Variants in ZIC3 observed in about 807,000 individuals in gnomAD.
ZIC3 encodes the protein zinc finger protein ZIC 3.
Under a neutral mutation model 18.3 loss-of-function variants are expected in ZIC3, and 6 were observed. The ratio of observed to expected loss-of-function variants is 0.33; its 90% CI spans 0.18 to 0.65. ZIC3 has a LOEUF of 0.65. ZIC3 is among the 30% of genes least tolerant of loss of function. ZIC3 has a pLI of 0.75. For missense variants in ZIC3, 260 were observed against 410.0 expected (o/e 0.63, Z 3.16); for synonymous variants, 175 against 177.0 (o/e 0.99, Z 0.09).
Position 137,567,244 on chromosome X carries a change from C to A in ZIC3, c.553C>A (p.His185Asn). The A allele has an allele frequency of 8.3e-6, 10 of 1,211,089 alleles. No individual in the cohort carries two copies. The highest frequency in any genetic ancestry group is 3.0e-5 in the East Asian group (1 of 33,802). The change falls in exon 1 of 3, where the codon CAC (histidine) becomes AAC (asparagine). Residue 185 changes from histidine to asparagine, a missense_variant. His to Asn is a moderately conservative substitution (Grantham distance 68, BLOSUM62 1). Around this residue, in one of 4 missense-constraint regions of ZIC3, gnomAD observed 183 missense variants for 223.8 expected, o/e 0.82. Transcript: ENST00000287538. ...AGGGCACGTGGACAACAACCAGGTC[C>A]ACCTGGGGCTGCGTGGGGAGCTGTT... The part of the protein sequence containing the change: ...PTGHVDNNQV[H>N]LGLRGELFGR...
downstream of ZIC3, among the ~76,000 whole-genome samples, chrX:137,573,151 A>C (rs1006560882): frequency 9.7e-5 from 6 of 61,568 alleles, no homozygotes; most frequent in Admixed American, 1.9e-4. Context: ...AAAAAAAAAA[A>C]AAAAAAAAAC....
downstream of ZIC3, chrX:137,577,026 A>G (rs985628270): frequency 9.2e-6 from 4 of 433,782 alleles, no homozygotes; most frequent in Admixed American, 1.6e-4. Flanking sequence ...AGAGTTTAAA[A>G]CAACATATTC....
chrX:137,567,305 C>G lies in ZIC3; in HGVS notation c.614C>G (p.Pro205Arg), dbSNP rs755920134. 3.3e-6 allele frequency: 4 copies of G among 1,210,030 alleles called. No individual in the cohort carries two copies. The highest frequency in any genetic ancestry group is 1.8e-5 in the South Asian group (1 of 56,884). The change falls in exon 1 of 3, where the codon CCG becomes CGG. Residue 205 changes from proline to arginine, a missense_variant. Physicochemically the swap from Pro to Arg is moderately radical, Grantham distance 103 (BLOSUM62 -2). Coordinates refer to ENST00000287538, the MANE Select transcript of ZIC3 (RefSeq NM_003413.4). ...GACCCATACCGCCCAGTGGCCAGCC[C>G]GCGCACGGACCCCTACGCGGCCGGC... ...RADPYRPVAS[P>R]RTDPYAAGAQ...
downstream of ZIC3, chrX:137,573,891 G>GT (rs1273762851): frequency 1.8e-5 from 2 of 112,740 alleles, no homozygotes; most frequent in East Asian, 5.7e-4. Flanking sequence ...GGCTCGGGCG[G>GT]GGGGGGAAGG....
At chrX:137,577,103 C>G (rs1199012066) in intron 2 of ZIC3, 1 of 506,634 alleles carries the variant, frequency 2.0e-6, no homozygotes, top group Non-Finnish European at 3.6e-6. Flanking sequence ...CTGCAGTTCA[C>G]TTTTTGTTTT....
In ZIC3 at chrX:137,567,117, C is replaced by T. The variant is rs750150672; in HGVS notation, c.426C>T (p.Gly142=). Residue 142 remains glycine (G), a synonymous_variant, in exon 1 of 3, where the codon GGC becomes GGT. Transcript: ENST00000287538. ...GCGGGCAGCACGGGCTCTTCGCCGG[C>T]TCGGCGAGCAGCCTGCATGCTCCAG... ...SGGGQHGLFA[G]SASSLHAPAG... 75 of 1,204,020 alleles carry T rather than the reference C, an allele frequency of 6.2e-5. No homozygotes were observed. In the Middle Eastern group the frequency reaches 9.3e-4, roughly 15 times the overall value.
chrX:137,566,699 T>C lies in ZIC3; in HGVS notation c.8T>C (p.Met3Thr). Residue 3 changes from methionine to threonine, a missense_variant, in exon 1 of 3, where the codon ATG becomes ACG. By Grantham distance (81) the Met-to-Thr change is moderately conservative. Coordinates refer to ENST00000287538, the MANE Select transcript of ZIC3 (RefSeq NM_003413.4). MTMLLDGGPQFPG... is the reference protein window; with the variant it reads MTTLLDGGPQFPG... ...GCCCAGAACGTCCCACCCATGACGA[T>C]GCTCCTGGACGGAGGCCCGCAGTTC... The C allele has an allele frequency of 7.5e-6, 9 of 1,200,895 alleles. No individual in the cohort carries two copies. Among genetic ancestry groups the C allele is most frequent in the Non-Finnish European group, 1.0e-5 (9 of 891,081 alleles).
chrX:137,576,164 A>G (rs1003580155), downstream of ZIC3, among the ~76,000 whole-genome samples: 8 of 108,823 alleles, frequency 7.4e-5, no homozygotes, highest in African/African-American at 2.7e-4. Flanking sequence ...GATCAAAGGA[A>G]GTAAATGGTG....
chrX:137,569,004 A>G lies in ZIC3; in HGVS notation c.1163A>G (p.Tyr388Cys). 3 of 1,211,136 alleles carry G rather than the reference A, an allele frequency of 2.5e-6. No individual in the cohort carries two copies. The highest frequency in any genetic ancestry group is 2.2e-6 in the Non-Finnish European group (2 of 895,375). Residue 388 changes from tyrosine to cysteine, a missense_variant, in exon 2 of 3, where the codon TAT (tyrosine) becomes TGT (cysteine). By Grantham distance (194) the Tyr-to-Cys change is radical. Transcript: ENST00000287538. ...HMHVHTSDKP[Y>C]ICKVCDKSYT... ...CATGTGCATACCTCGGACAAGCCCT[A>G]TATCTGCAAAGTGTGCGACAAGTCC...
downstream of ZIC3, among the ~76,000 whole-genome samples, chrX:137,576,852 A>G (rs139582204): frequency 4.8e-4 from 54 of 112,382 alleles, no homozygotes; most frequent in Non-Finnish European, 8.8e-4. Context: ...TAAGCTTTAT[A>G]GTAACTATAA....
In ZIC3 at chrX:137,571,618, T is replaced by A. The variant is rs1242396509; in HGVS notation, c.*1548T>A. 8.9e-6 allele frequency: 1 copy of A among 112,560 alleles called. No homozygotes were observed. Among genetic ancestry groups the A allele is most frequent in the Non-Finnish European group, 1.9e-5 (1 of 53,256 alleles). 9.3% of individuals were successfully genotyped at this position (112,560 alleles called of 1,213,427 possible). On this transcript the variant is annotated 3_prime_UTR_variant, in exon 3 of 3. Transcript: ENST00000287538. ...CTGAAATGATGCTATGGGAAAAAAA[T>A]TGCAAAATATGTATTTTTAAAGTTC...
At chrX:137,572,994 C>G (rs901671692), downstream of ZIC3, among the ~76,000 whole-genome samples, 1 of 109,824 alleles carries the variant, frequency 9.1e-6, no homozygotes, top group Non-Finnish European at 1.9e-5. Flanking sequence ...TCACGTCCTC[C>G]ACCCTTGTCA....
downstream of ZIC3, among the ~76,000 whole-genome samples, chrX:137,575,612 A>G (rs781340279): frequency 9.6e-4 from 107 of 111,869 alleles, no homozygotes; most frequent in Non-Finnish European, 1.7e-3. Context: ...GAACTCTTCC[A>G]GGTTGGGTCT....
In ZIC3 at chrX:137,571,469, A is replaced by G. The variant is rs1157453495; in HGVS notation, c.*1399A>G. The G allele has an allele frequency of 8.9e-6, 1 of 112,444 alleles. No homozygotes were observed. The highest frequency in any genetic ancestry group is 1.9e-5 in the Non-Finnish European group (1 of 53,221). The allele number at this position is 112,444 out of a possible 1,213,427, so 9.3% of individuals were successfully genotyped here. On this transcript the variant is annotated 3_prime_UTR_variant, in exon 3 of 3. Coordinates refer to ENST00000287538, the MANE Select transcript of ZIC3 (RefSeq NM_003413.4). ...TACTTATGGTTAAAGTGCTTCTTAA[A>G]AGAACCATAGTCCATTTACAATTTT...
At chrX:137,572,742 C>T (rs750217519), downstream of ZIC3, among the ~76,000 whole-genome samples, 5 of 110,268 alleles carry the variant, frequency 4.5e-5, no homozygotes, top group Non-Finnish European at 9.5e-5. Flanking sequence ...CAACCAAAAA[C>T]CTGCCTCCCT....
Position 137,570,253 on chromosome X carries a change from G to A in ZIC3, c.*183G>A. On this transcript the variant is annotated 3_prime_UTR_variant, in exon 3 of 3. Transcript: ENST00000287538. ...CAAAAGTAGCCATGCCCTTTTCTCA[G>A]GATAGAAAATATGTTTTGGCATTTG... The A allele has an allele frequency of 1.9e-6, 1 of 519,099 alleles. No homozygotes were observed. Among genetic ancestry groups the A allele is most frequent in the Non-Finnish European group, 3.2e-6 (1 of 317,055 alleles). 42.8% of individuals were successfully genotyped at this position (519,099 alleles called of 1,213,427 possible).
downstream of ZIC3, among the ~76,000 whole-genome samples, chrX:137,574,574 T>TCCCGCGCCCTG (rs1032529663): frequency 2.7e-5 from 3 of 111,006 alleles, no homozygotes; most frequent in Admixed American, 9.3e-5. Context: ...CCACCCCCAC[T>TCCCGCGCCCTG]CCCGCGCCCT....
downstream of ZIC3, among the ~76,000 whole-genome samples, chrX:137,573,440 G>A (rs1336345846): frequency 9.0e-6 from 1 of 111,581 alleles, no homozygotes; most frequent in Non-Finnish European, 1.9e-5. Flanking sequence ...AGTTGGACAT[G>A]AGTGAGCAAA....
Position 137,566,201 on chromosome X carries a change from G to A in ZIC3, c.-491G>A. On this transcript the variant is annotated 5_prime_UTR_variant, in exon 1 of 3. Transcript: ENST00000287538. The stretch of plus-strand genomic sequence containing the variant: ...GCGAGCGGCAAGCGGCGAGTAACGA[G>A]CCTGCCTACTGCCCGCTGCCCGCCT... The A allele has an allele frequency of 6.4e-6, 1 of 157,445 alleles. No homozygotes were observed. The highest frequency in any genetic ancestry group is 1.2e-5 in the Non-Finnish European group (1 of 82,766). The allele number at this position is 157,445 out of a possible 1,213,427, so 13.0% of individuals were successfully genotyped here.
Sources: allele counts gnomAD v4.1 joint callset (sites outside exome capture counted in the v4.1 genomes callset), GRCh38; gene constraint gnomAD v4.1.1; regional missense constraint gnomAD v4.1.1; transcripts MANE v1.5; gene names NCBI Gene and HGNC (gene_info 2026-07-23, HGNC 2026-07-21).